The following DAB1 variants were observed in gnomAD, a reference collection of about 807,000 sequenced individuals.
The protein encoded by DAB1 is disabled homolog 1.
A neutral mutation model predicts 64.6 loss-of-function variants in DAB1; 15 were observed. The ratio of observed to expected loss-of-function variants is 0.23; its 90% CI spans 0.16 to 0.36. The LOEUF (loss-of-function observed/expected upper bound fraction) is 0.36. DAB1 is among the 10% of genes least tolerant of loss of function. The pLI, the probability that DAB1 is intolerant of heterozygous loss-of-function variation, is 1.00. For synonymous variants in DAB1, 235 were observed against 251.9 expected, an observed-to-expected ratio of 0.93 and a Z score of 0.64; for missense variants, 596 against 706.7, an observed-to-expected ratio of 0.84 and a Z score of 1.78.
intron 5 of DAB1, among the ~76,000 whole-genome samples, chr1:58,004,322 A>G (rs1209631232): frequency 6.6e-6 from 1 of 152,228 alleles, no homozygotes; most frequent in African/African-American, 2.4e-5. Context: ...AGTTGGTGGC[A>G]GAGCTATTTA....
At chr1:57,157,667 T>A in intron 2 of DAB1, among the ~76,000 whole-genome samples, 1 of 152,310 alleles carries the variant, frequency 6.6e-6, no homozygotes, top group Non-Finnish European at 1.5e-5. Flanking sequence ...ACTTTCATGA[T>A]GTCATCTAAA....
At chr1:57,178,632 G>A (rs1662587846) in intron 2 of DAB1, among the ~76,000 whole-genome samples, 1 of 152,120 alleles carries the variant, frequency 6.6e-6, no homozygotes. Context: ...AGGGGAAGAA[G>A]TAATTATGAT....
intron 5 of DAB1, among the ~76,000 whole-genome samples, chr1:58,065,192 C>T (rs889332120): frequency 6.6e-6 from 1 of 152,102 alleles, no homozygotes; most frequent in Admixed American, 6.5e-5. Flanking sequence ...CTGATAGTTT[C>T]CAGGATTTAA....
chr1:58,055,776 CTCACTGCAACCTCTG>C (rs67814341), intron 5 of DAB1, among the ~76,000 whole-genome samples: 51,797 of 151,452 alleles, frequency 0.34, 9,522 homozygotes, highest in African/African-American at 0.49. Context: ...GTCATCTCGG[CTCACTGCAACCTCTG>C]TCACTGCAAC....
intron 4 of DAB1, among the ~76,000 whole-genome samples, chr1:58,260,461 A>T (rs558001834): frequency 6.6e-6 from 1 of 152,192 alleles, no homozygotes; most frequent in South Asian, 2.1e-4. Context: ...GCTAATTAGG[A>T]AGCAACATAC....
At chr1:57,227,953 T>C (rs1326705298) in intron 2 of DAB1, among the ~76,000 whole-genome samples, 1 of 152,146 alleles carries the variant, frequency 6.6e-6, no homozygotes, top group Non-Finnish European at 1.5e-5. Context: ...ACATATCTAA[T>C]GGTGAATGGT....
chr1:57,302,758 T>C (rs958736020), intron 1 of DAB1, among the ~76,000 whole-genome samples: 1 of 152,150 alleles, frequency 6.6e-6, no homozygotes, highest in Non-Finnish European at 1.5e-5. Flanking sequence ...TGCATGATGC[T>C]GCACCCAGCT....
intron 5 of DAB1, among the ~76,000 whole-genome samples, chr1:58,052,256 T>C (rs1317521788): frequency 6.6e-6 from 1 of 152,230 alleles, no homozygotes; most frequent in Non-Finnish European, 1.5e-5. Flanking sequence ...TTCAGCTTTC[T>C]ACATGTGGCT....
At chr1:57,493,126 A>ATGTGTG (rs34183580) in intron 7 of DAB1, among the ~76,000 whole-genome samples, 2 of 149,518 alleles carry the variant, frequency 1.3e-5, no homozygotes, top group African/African-American at 4.9e-5. Flanking sequence ...AATTGTGTGT[A>ATGTGTG]TGTGTGTGTG....
chr1:57,340,830 C>A (rs1055942290), intron 1 of DAB1, among the ~76,000 whole-genome samples: 2 of 152,162 alleles, frequency 1.3e-5, no homozygotes, highest in Non-Finnish European at 2.9e-5. Context: ...CTGATGCCAG[C>A]ACCTGGGCTC....
chr1:57,565,470 C>A (rs563123852), intron 7 of DAB1, among the ~76,000 whole-genome samples: 4 of 152,284 alleles, frequency 2.6e-5, no homozygotes, highest in Admixed American at 2.6e-4. Flanking sequence ...TTAAAAGACA[C>A]AGACTGGCAA....
chr1:57,231,886 A>T (rs1272374824), intron 2 of DAB1, among the ~76,000 whole-genome samples: 2 of 152,082 alleles, frequency 1.3e-5, no homozygotes, highest in African/African-American at 4.8e-5. Flanking sequence ...TCTGTTTCTG[A>T]CTCATCCAGC....
intron 5 of DAB1, among the ~76,000 whole-genome samples, chr1:57,906,979 GA>G (rs1264865189): frequency 6.8e-6 from 1 of 147,268 alleles, no homozygotes; most frequent in African/African-American, 2.7e-5. Flanking sequence ...TAGATAGATA[GA>G]TAGATAGATT....
intron 7 of DAB1, among the ~76,000 whole-genome samples, chr1:57,070,027 CATATT>C (rs1433277951): frequency 2.6e-5 from 4 of 152,302 alleles, no homozygotes; most frequent in African/African-American, 9.6e-5. Flanking sequence ...GGGTGAAGCT[CATATT>C]ATATACAAAT....
intron 6 of DAB1, among the ~76,000 whole-genome samples, chr1:57,780,423 T>C (rs1650007966): frequency 6.6e-6 from 1 of 152,166 alleles, no homozygotes; most frequent in Non-Finnish European, 1.5e-5. Context: ...GAGAGGGCTG[T>C]TGTCTTGGGA....
chr1:58,034,930 C>G (rs1257399735), intron 5 of DAB1, among the ~76,000 whole-genome samples: 4 of 152,208 alleles, frequency 2.6e-5, no homozygotes, highest in Non-Finnish European at 5.9e-5. Context: ...CTTCTCCTCT[C>G]AAGTGGGAGA....
intron 5 of DAB1, among the ~76,000 whole-genome samples, chr1:58,139,934 C>G (rs945387373): frequency 6.6e-6 from 1 of 152,168 alleles, no homozygotes; most frequent in Non-Finnish European, 1.5e-5. Flanking sequence ...ATAAGATACT[C>G]TAATCCTTGT....
At chr1:57,865,730 AG>A (rs1166266338) in intron 1 of DAB1, among the ~76,000 whole-genome samples, 1 of 152,226 alleles carries the variant, frequency 6.6e-6, no homozygotes, top group Non-Finnish European at 1.5e-5. Flanking sequence ...GTATTTTAAA[AG>A]CACAAGCTAG....
intron 1 of DAB1, among the ~76,000 whole-genome samples, chr1:57,858,454 A>G (rs1480643628): frequency 1.3e-5 from 2 of 152,008 alleles, no homozygotes; most frequent in African/African-American, 4.8e-5. Flanking sequence ...CATATGTAGT[A>G]TTGTTCTTAG....
Sources: gnomAD v4.1 joint callset for allele counts (sites outside exome capture counted in the v4.1 genomes callset) on GRCh38, gnomAD v4.1.1 for gene constraint, MANE v1.5 for transcripts, NCBI Gene and HGNC (gene_info 2026-07-23, HGNC 2026-07-21) for gene names.